HS3ST1: variants seen among roughly 807,000 people sequenced by gnomAD.
The protein encoded by HS3ST1 is heparan sulfate-glucosamine 3-sulfotransferase 1, also known as heparan sulfate glucosamine 3-O-sulfotransferase 1.
In HS3ST1, 8 loss-of-function variants were observed where a neutral mutation model predicts 20.7. The ratio of observed to expected loss-of-function variants is 0.39; its 90% CI spans 0.23 to 0.70. HS3ST1 has a LOEUF of 0.70. Ranked by LOEUF, HS3ST1 falls within the 30% of genes least tolerant of loss-of-function variation. The probability of loss-of-function intolerance (pLI) is 0.46; values close to 1 mark genes in which losing one functional copy is unlikely to be tolerated. For missense variants in HS3ST1, 436 were observed against 423.4 expected (o/e 1.03, Z -0.26); for synonymous variants, 205 against 190.4 (o/e 1.08, Z -0.63).
intron 1 of HS3ST1, among the ~76,000 whole-genome samples, chr4:11,404,376 A>G (rs1718405728): frequency 6.6e-6 from 1 of 152,108 alleles, no homozygotes; most frequent in Non-Finnish European, 1.5e-5. Context: ...TTAATGAAAT[A>G]TTTTGCATTT....
At position 11,397,310 on chromosome 4, in the gene HS3ST1, G is replaced by A. The variant is rs919291810; in HGVS notation, c.*1772C>T. The A allele has an allele frequency of 6.6e-6, 1 of 152,400 alleles. No individual in the cohort carries two copies. Among genetic ancestry groups the A allele is most frequent in the Admixed American group, 6.5e-5 (1 of 15,294 alleles). 9.4% of individuals were successfully genotyped at this position (152,400 alleles called of 1,614,324 possible). ...TCTCTGCTCTCTGTTCATGATATGGGGTGGGGCATAGGCCATGCTAAGGTC... is the reference window on the plus strand; with the variant it reads ...TCTCTGCTCTCTGTTCATGATATGGAGTGGGGCATAGGCCATGCTAAGGTC... On this transcript the variant is annotated 3_prime_UTR_variant, in exon 2 of 2. Coordinates refer to ENST00000002596, the MANE Select transcript of HS3ST1 (RefSeq NM_005114.4).
At chr4:11,429,557 G>A (rs1471731188), upstream of HS3ST1, 4 of 149,574 alleles carry the variant, frequency 2.7e-5, no homozygotes, top group South Asian at 2.1e-4. Flanking sequence ...TTCAAAGAGC[G>A]CCCTGTCGCC....
chr4:11,411,091 T>C (rs1244955017), intron 1 of HS3ST1, among the ~76,000 whole-genome samples: 2 of 152,154 alleles, frequency 1.3e-5, no homozygotes, highest in East Asian at 1.9e-4. Context: ...TCTTTCTTTT[T>C]AGGTATGTGT....
Position 11,396,087 on chromosome 4 carries a change from C to T in HS3ST1, c.*2995G>A, listed in dbSNP as rs1370210407. The T allele has an allele frequency of 2.0e-5, 3 of 152,190 alleles. No individual in the cohort carries two copies. Among genetic ancestry groups the T allele is most frequent in the Non-Finnish European group, 2.9e-5 (2 of 68,046 alleles). 9.4% of individuals were successfully genotyped at this position (152,190 alleles called of 1,614,324 possible). On this transcript the variant is annotated 3_prime_UTR_variant, in exon 2 of 2. Coordinates refer to ENST00000002596, the MANE Select transcript of HS3ST1 (RefSeq NM_005114.4). Reference sequence around the variant, plus strand: ...TGAATAATGGTGACCTGTGACACCACCCCTGTAAGCAGCAGGCACGCTAGG... The same window carrying T: ...TGAATAATGGTGACCTGTGACACCATCCCTGTAAGCAGCAGGCACGCTAGG...
At chr4:11,403,060 T>TTA (rs1450926709) in intron 1 of HS3ST1, among the ~76,000 whole-genome samples, 1 of 152,234 alleles carries the variant, frequency 6.6e-6, no homozygotes, top group Non-Finnish European at 1.5e-5. Context: ...AGCTAATGTC[T>TTA]TATATACACA....
upstream of HS3ST1, among the ~76,000 whole-genome samples, chr4:11,430,725 A>C (rs150627135): frequency 1.3e-5 from 2 of 152,214 alleles, no homozygotes; most frequent in East Asian, 3.8e-4. Context: ...AAGACCTTGA[A>C]AGAAACTGGA....
intron 1 of HS3ST1, among the ~76,000 whole-genome samples, chr4:11,424,163 T>G (rs1250843342): frequency 1.3e-5 from 2 of 152,268 alleles, no homozygotes; most frequent in Admixed American, 6.5e-5. Flanking sequence ...CAAGTCCTGT[T>G]CCACTCAAGC....
rs1718096659 is a variant in HS3ST1 at position 11,394,986 on chromosome 4, A to G, written c.*4096T>C. On this transcript the variant is annotated 3_prime_UTR_variant, in exon 2 of 2. Coordinates refer to ENST00000002596, the MANE Select transcript of HS3ST1 (RefSeq NM_005114.4). ...ATGGGTGCCTGCTAAGTAAGCTTCC[A>G]ACACTCCAGCCTTGGAAAGCAGTAG... 6.6e-6 allele frequency: 1 copy of G among 152,238 alleles called. No individual in the cohort carries two copies. The highest frequency in any genetic ancestry group is 1.5e-5 in the Non-Finnish European group (1 of 68,046). The allele number at this position is 152,238 out of a possible 1,614,324, so 9.4% of individuals were successfully genotyped here. A position where few individuals can be genotyped will look rare whatever the true frequency, so the allele number is the denominator to read the frequency against.
Position 11,421,128 on chromosome 4 carries a change from A to G in HS3ST1, c.-109+7571T>C, listed in dbSNP as rs530121100. On this transcript the variant is annotated intron_variant, in intron 1 of 1. Transcript: ENST00000002596. ...CTGGCAAATCTACACAAGGAAAAAC[A>G]CATTGAGCATTGTGCTAGGCACTAT... Among the ~76,000 whole-genome samples, 13 of 152,358 alleles carry G rather than the reference A, an allele frequency of 8.5e-5. No individual in the cohort carries two copies. The Middle Eastern group carries it at 0.014, about 159-fold the overall frequency.
chr4:11,422,165 C>A (rs1317412622), intron 1 of HS3ST1, among the ~76,000 whole-genome samples: 1 of 152,208 alleles, frequency 6.6e-6, no homozygotes, highest in African/African-American at 2.4e-5. Flanking sequence ...GAGTTTTCAA[C>A]AAAGGTTTGA....
chr4:11,409,132 T>C (rs1011893494), intron 1 of HS3ST1, among the ~76,000 whole-genome samples: 1 of 152,114 alleles, frequency 6.6e-6, no homozygotes, highest in Non-Finnish European at 1.5e-5. Flanking sequence ...CTCAGAAACA[T>C]GGGTCTCCCA....
In HS3ST1 at chr4:11,415,974, C is replaced by A. The variant is rs376866173; in HGVS notation, c.-109+12725G>T. Among the ~76,000 whole-genome samples, 4 of 152,222 alleles carry A rather than the reference C, an allele frequency of 2.6e-5. No individual in the cohort carries two copies. In the East Asian group the frequency reaches 5.8e-4, roughly 22 times the overall value. Reference sequence around the variant, plus strand: ...GTGAGAAGCCGGCAGGAGCAGGCTGCTCCAGTACGCCTGGAAGTGTAAAAA... The same window carrying A: ...GTGAGAAGCCGGCAGGAGCAGGCTGATCCAGTACGCCTGGAAGTGTAAAAA... On this transcript the variant is annotated intron_variant, in intron 1 of 1. Transcript: ENST00000002596.
intron 1 of HS3ST1, among the ~76,000 whole-genome samples, chr4:11,402,722 A>G (rs1319456180): frequency 6.6e-6 from 1 of 152,190 alleles, no homozygotes; most frequent in Non-Finnish European, 1.5e-5. Context: ...CAACACATTC[A>G]TATTATTTGA....
rs201790248 is a variant in HS3ST1 at position 11,409,502 on chromosome 4, GTC to G, written c.-108-9391_-108-9390del. On this transcript the variant is annotated intron_variant, in intron 1 of 1. Coordinates refer to ENST00000002596, the MANE Select transcript of HS3ST1 (RefSeq NM_005114.4). ...AGGAAGATAAAACAGAGCTCACTCT[GTC>G]TCTCTCTCTCATTCTCTCCACCATG... Among the ~76,000 whole-genome samples the G allele has an allele frequency of 3.4e-3, 515 of 152,130 alleles. 8 individuals carry two copies. The highest frequency in any genetic ancestry group is 0.02 in the Middle Eastern group (6 of 294).
chr4:11,419,473 T>C (rs1016992897), intron 1 of HS3ST1, among the ~76,000 whole-genome samples: 1 of 151,978 alleles, frequency 6.6e-6, no homozygotes, highest in Non-Finnish European at 1.5e-5. Context: ...CACCGGGGCC[T>C]GTCGGAGGTT....
In HS3ST1 at chr4:11,399,763, C is replaced by T. The variant is rs996527768; in HGVS notation, c.243G>A (p.Ala81=). ...LEMLSLHPDV[A]AAENEVHFFD... ...AGAAGTGGACCTCGTTCTCCGCGGC[C>T]GCCACGTCGGGGTGCAGGCTGAGCA... Residue 81 remains alanine, a synonymous_variant, in exon 2 of 2, where the codon GCG becomes GCA. Coordinates refer to ENST00000002596, the MANE Select transcript of HS3ST1 (RefSeq NM_005114.4). The surrounding 1 kb of genome is among the most constrained non-coding windows in gnomAD (Gnocchi z 5.1). 5.0e-6 allele frequency: 8 copies of T among 1,613,740 alleles called. 1 individual carries two copies. The East Asian group carries it at 6.7e-5, about 13-fold the overall frequency.
rs535416542 is a variant in HS3ST1, at chr4:11,398,946, A to C, written c.*136T>G. On this transcript the variant is annotated 3_prime_UTR_variant, in exon 2 of 2. Transcript: ENST00000002596. ...TAACTAGTATATATGGCAATTGTGA[A>C]TCTAATACTGTACAGAAGTACTTTA... 1.3e-6 allele frequency: 1 copy of C among 745,922 alleles called. No individual in the cohort carries two copies. The highest frequency in any genetic ancestry group is 1.8e-5 in the African/African-American group (1 of 56,412). The allele number at this position is 745,922 out of a possible 1,614,324, so 46.2% of individuals were successfully genotyped here. A position where few individuals can be genotyped will look rare whatever the true frequency, so the allele number is the denominator to read the frequency against.
intron 1 of HS3ST1, among the ~76,000 whole-genome samples, chr4:11,423,021 C>CAAAA (rs71181101): frequency 0.15 from 5,084 of 34,382 alleles, 1,813 homozygotes; most frequent in African/African-American, 0.32. Flanking sequence ...GAGACACCGT[C>CAAAA]AAAAAAAAAA....
rs1219345766 is a variant in HS3ST1, at chr4:11,398,883, C to G, written c.*199G>C. The G allele has an allele frequency of 1.0e-5, 5 of 481,908 alleles. No individual in the cohort carries two copies. The allele number at this position is 481,908 out of a possible 1,614,324, so 29.9% of individuals were successfully genotyped here. A position where few individuals can be genotyped will look rare whatever the true frequency, so the allele number is the denominator to read the frequency against. ...ACACAATGTTAACAACCATGAAAAACAATACAAAATGCCCTCCATTTAACA... is the reference window on the plus strand; with the variant it reads ...ACACAATGTTAACAACCATGAAAAAGAATACAAAATGCCCTCCATTTAACA... On this transcript the variant is annotated 3_prime_UTR_variant, in exon 2 of 2. Transcript: ENST00000002596.
Sources: allele counts gnomAD v4.1 joint callset (sites outside exome capture counted in the v4.1 genomes callset), GRCh38; gene constraint gnomAD v4.1.1; non-coding constraint Gnocchi (gnomAD v3.1); transcripts MANE v1.5; gene names NCBI Gene and HGNC (gene_info 2026-07-23, HGNC 2026-07-21).